The following SRGAP3 variants were observed in gnomAD, a reference collection of about 807,000 sequenced individuals.
SRGAP3 encodes the protein SLIT-ROBO Rho GTPase activating protein 3, also known as SLIT-ROBO Rho GTPase-activating protein 3.
Under a neutral mutation model 121.1 loss-of-function variants are expected in SRGAP3, and 39 were observed. The ratio of observed to expected loss-of-function variants is 0.32; its 90% CI spans 0.25 to 0.42. The LOEUF (loss-of-function observed/expected upper bound fraction) is 0.42, where lower values mean the gene tolerates loss of function less well. Ranked by LOEUF, SRGAP3 falls within the 10% of genes least tolerant of loss-of-function variation. The pLI, the probability that SRGAP3 is intolerant of heterozygous loss-of-function variation, is 1.00. For missense variants in SRGAP3, 1,213 were observed against 1,470.6 expected (o/e 0.82, Z 2.86); for synonymous variants, 601 against 570.0 (o/e 1.05, Z -0.77).
At chr3:9,018,379 G>A (rs1277339765) in intron 14 of SRGAP3, among the ~76,000 whole-genome samples, 1 of 152,178 alleles carries the variant, frequency 6.6e-6, no homozygotes, top group Non-Finnish European at 1.5e-5. Context: ...CCAGTAGTGG[G>A]ATTGCTGAAT....
intron 11 of SRGAP3, chr3:9,034,065 C>A (rs755520212): frequency 4.6e-5 from 7 of 152,280 alleles, no homozygotes; most frequent in Non-Finnish European, 1.0e-4. Flanking sequence ...GGGGTAACCA[C>A]ACCACAGTTC....
intron 4 of SRGAP3, among the ~76,000 whole-genome samples, chr3:9,075,878 T>C (rs970867267): frequency 2.6e-5 from 4 of 152,338 alleles, no homozygotes; most frequent in African/African-American, 7.2e-5. Context: ...TTGGGGCACA[T>C]AGTGCCGCCA....
chr3:9,221,642 T>A (rs1220755651), intron 1 of SRGAP3, among the ~76,000 whole-genome samples: 2 of 152,130 alleles, frequency 1.3e-5, no homozygotes, highest in Non-Finnish European at 1.5e-5. Context: ...TGCATTTACA[T>A]TACAATTCTG....
At chr3:9,211,155 T>C (rs983272823) in intron 1 of SRGAP3, among the ~76,000 whole-genome samples, 1 of 152,148 alleles carries the variant, frequency 6.6e-6, no homozygotes, top group African/African-American at 2.4e-5. Flanking sequence ...GAAGTGGGCA[T>C]TATTTTTATA....
chr3:9,158,535 G>C (rs186668234), intron 1 of SRGAP3, among the ~76,000 whole-genome samples: 1 of 152,186 alleles, frequency 6.6e-6, no homozygotes, highest in African/African-American at 2.4e-5. Flanking sequence ...AAATACCCCC[G>C]GTATTCATTC....
chr3:8,986,463 T>C (rs940460406), intron 21 of SRGAP3, among the ~76,000 whole-genome samples: 2 of 152,162 alleles, frequency 1.3e-5, no homozygotes, highest in Non-Finnish European at 2.9e-5. Flanking sequence ...CCCCTAATAA[T>C]TCATTTAATC....
intron 1 of SRGAP3, among the ~76,000 whole-genome samples, chr3:9,126,298 C>A (rs765222478): frequency 3.9e-5 from 6 of 152,136 alleles, no homozygotes; most frequent in Admixed American, 2.0e-4. Flanking sequence ...CCCAAAATGT[C>A]GAGACATCTG....
chr3:9,301,218 A>G (rs1217147579), intron 3 of SRGAP3, among the ~76,000 whole-genome samples: 1 of 152,198 alleles, frequency 6.6e-6, no homozygotes. Flanking sequence ...AAAGATGTCA[A>G]TGCTGCACAG....
chr3:9,329,033 G>A (rs531987771), intron 2 of SRGAP3, among the ~76,000 whole-genome samples: 35 of 152,272 alleles, frequency 2.3e-4, no homozygotes, highest in African/African-American at 7.7e-4. Flanking sequence ...ACCTGCAGCA[G>A]TTTGTTATGG....
At chr3:9,070,935 C>T (rs1184147503) in intron 4 of SRGAP3, among the ~76,000 whole-genome samples, 3 of 152,124 alleles carry the variant, frequency 2.0e-5, no homozygotes, top group East Asian at 1.9e-4. Flanking sequence ...TGATGAAGGA[C>T]GTACTAGGCA....
At chr3:9,008,536 C>T (rs1277601706) in intron 18 of SRGAP3, among the ~76,000 whole-genome samples, 1 of 151,704 alleles carries the variant, frequency 6.6e-6, no homozygotes, top group African/African-American at 2.4e-5. Flanking sequence ...ATGGAGAGGA[C>T]AGGGTGAGGG....
At chr3:9,361,424 G>T (rs2030817885) in intron 1 of SRGAP3, among the ~76,000 whole-genome samples, 1 of 152,122 alleles carries the variant, frequency 6.6e-6, no homozygotes, top group African/African-American at 2.4e-5. Context: ...TTTATAAATT[G>T]TGTTCTTTTT....
chr3:9,168,647 T>C (rs1044284465), intron 1 of SRGAP3, among the ~76,000 whole-genome samples: 1 of 152,256 alleles, frequency 6.6e-6, no homozygotes, highest in Non-Finnish European at 1.5e-5. Context: ...TTTTCAGCCA[T>C]CTTTTCGTAC....
chr3:9,073,242 C>A (rs1389354733), intron 4 of SRGAP3, among the ~76,000 whole-genome samples: 9 of 152,208 alleles, frequency 5.9e-5, no homozygotes, highest in African/African-American at 1.9e-4. Context: ...CTCCCAAGCT[C>A]AGGTAATCCT....
chr3:9,301,751 A>T (rs1397410729), intron 3 of SRGAP3, among the ~76,000 whole-genome samples: 1 of 152,264 alleles, frequency 6.6e-6, no homozygotes, highest in Non-Finnish European at 1.5e-5. Flanking sequence ...CACTTCTGTC[A>T]TTAACTGCGT....
intron 3 of SRGAP3, among the ~76,000 whole-genome samples, chr3:9,314,759 G>A (rs17050227): frequency 0.031 from 4,621 of 151,288 alleles, 242 homozygotes; most frequent in African/African-American, 0.11. Context: ...GACTTGACCC[G>A]GGAAAGTAAG....
chr3:9,348,798 A>T, intron 1 of SRGAP3: 1 of 1,372,604 alleles, frequency 7.3e-7, no homozygotes, highest in Non-Finnish European at 1.0e-6. Flanking sequence ...CACTCCTATG[A>T]TGTCCCACCA....
At chr3:9,165,414 C>T (rs1437049652) in intron 1 of SRGAP3, among the ~76,000 whole-genome samples, 1 of 152,192 alleles carries the variant, frequency 6.6e-6, no homozygotes, top group East Asian at 1.9e-4. Context: ...CTTCATCATC[C>T]CTGTGAGCCA....
intron 3 of SRGAP3, among the ~76,000 whole-genome samples, chr3:9,281,830 G>T (rs887129496): frequency 6.6e-6 from 1 of 151,882 alleles, no homozygotes; most frequent in African/African-American, 2.4e-5. Context: ...GCACCACCAC[G>T]CCTGGCTAGT....
Sources: allele counts gnomAD v4.1 joint callset (sites outside exome capture counted in the v4.1 genomes callset), GRCh38; gene constraint gnomAD v4.1.1; transcripts MANE v1.5; gene names NCBI Gene and HGNC (gene_info 2026-07-23, HGNC 2026-07-21).